The following SYT1 variants were observed in gnomAD, a reference collection of about 807,000 sequenced individuals.
SYT1 encodes synaptotagmin 1, also known as synaptotagmin-1.
Under a neutral mutation model 44.8 loss-of-function variants are expected in SYT1, and 8 were observed. The ratio of observed to expected loss-of-function variants is 0.18; its 90% CI spans 0.10 to 0.32. The LOEUF (loss-of-function observed/expected upper bound fraction) is 0.32, where lower values mean the gene tolerates loss of function less well. SYT1 is among the 10% of genes least tolerant of loss of function. The probability of loss-of-function intolerance (pLI) is 1.00; values close to 1 mark genes in which losing one functional copy is unlikely to be tolerated. For missense variants in SYT1, 286 were observed against 509.3 expected, an observed-to-expected ratio of 0.56 and a Z score of 4.22; for synonymous variants, 154 against 188.8, an observed-to-expected ratio of 0.82 and a Z score of 1.51.
intron 2 of SYT1, among the ~76,000 whole-genome samples, chr12:79,010,027 G>A (rs1871317770): frequency 6.6e-6 from 1 of 152,124 alleles, no homozygotes; most frequent in African/African-American, 2.4e-5. Context: ...ACTGCTATGT[G>A]AGTCTGAGGT....
intron 4 of SYT1, among the ~76,000 whole-genome samples, chr12:79,260,343 C>T (rs1238943995): frequency 6.6e-6 from 1 of 152,074 alleles, no homozygotes; most frequent in Admixed American, 6.6e-5. Context: ...CCTCAGAGAA[C>T]CACAAATATC....
At chr12:79,360,072 G>A (rs914303462) in intron 9 of SYT1, among the ~76,000 whole-genome samples, 15 of 152,184 alleles carry the variant, frequency 9.9e-5, no homozygotes, top group African/African-American at 2.2e-4. Context: ...GGTCCTCCCC[G>A]TCCATACACA....
intron 3 of SYT1, among the ~76,000 whole-genome samples, chr12:79,132,691 A>C (rs1295234803): frequency 6.6e-6 from 1 of 150,648 alleles, no homozygotes; most frequent in African/African-American, 2.4e-5. Flanking sequence ...AAAAAAAAAA[A>C]AAAAAAAAAA....
At chr12:79,233,777 A>T (rs986870247) in intron 4 of SYT1, among the ~76,000 whole-genome samples, 2 of 152,226 alleles carry the variant, frequency 1.3e-5, no homozygotes, top group African/African-American at 4.8e-5. Flanking sequence ...TACTGACGTG[A>T]AAGGCAAGGT....
intron 3 of SYT1, among the ~76,000 whole-genome samples, chr12:79,211,677 G>A (rs1287930330): frequency 4.8e-5 from 7 of 146,434 alleles, no homozygotes; most frequent in Admixed American, 2.9e-4. Flanking sequence ...ACCTAGGAGT[G>A]AGAATATGCG....
chr12:79,210,163 A>G (rs1874354432), intron 3 of SYT1, among the ~76,000 whole-genome samples: 1 of 152,210 alleles, frequency 6.6e-6, no homozygotes, highest in African/African-American at 2.4e-5. Context: ...ATAATTTCTA[A>G]GAGGACAGAG....
chr12:79,378,834 A>G (rs538814934), intron 9 of SYT1, among the ~76,000 whole-genome samples: 4 of 152,206 alleles, frequency 2.6e-5, no homozygotes. Flanking sequence ...ATTAAATGTC[A>G]TAAATAAAAA....
intron 8 of SYT1, among the ~76,000 whole-genome samples, chr12:79,349,033 A>AAGAAAGAAAGAAAGAAAGAAAGAAAG (rs1367804411): frequency 5.8e-5 from 7 of 120,208 alleles, no homozygotes; most frequent in African/African-American, 2.3e-4. Flanking sequence ...GAAAGAAAGA[A>AAGAAAGAAAGAAAGAAAGAAAGAAAG]AAAGAAAGAA....
intron 8 of SYT1, among the ~76,000 whole-genome samples, chr12:79,343,571 A>G (rs138442068): frequency 2.2e-4 from 34 of 152,320 alleles, no homozygotes; most frequent in African/African-American, 7.2e-4. Context: ...GCCTGACTAT[A>G]GAGTCCATGT....
At chr12:79,398,849 G>A (rs531581740) in intron 9 of SYT1, among the ~76,000 whole-genome samples, 11 of 152,086 alleles carry the variant, frequency 7.2e-5, no homozygotes, top group East Asian at 3.9e-4. Context: ...ATCTAATATC[G>A]GGGCCAAACA....
chr12:79,152,645 C>G (rs948227537), intron 3 of SYT1, among the ~76,000 whole-genome samples: 3 of 151,834 alleles, frequency 2.0e-5, no homozygotes, highest in Non-Finnish European at 2.9e-5. Context: ...GGAGGTATCT[C>G]TATAAAATGA....
intron 1 of SYT1, among the ~76,000 whole-genome samples, chr12:78,959,838 T>A (rs890667553): frequency 2.0e-5 from 3 of 152,154 alleles, no homozygotes; most frequent in Non-Finnish European, 2.9e-5. Context: ...GAGCTGTAAG[T>A]GCATTTCAAT....
At chr12:79,139,406 G>A (rs1410556432) in intron 3 of SYT1, among the ~76,000 whole-genome samples, 2 of 152,144 alleles carry the variant, frequency 1.3e-5, no homozygotes, top group Non-Finnish European at 2.9e-5. Context: ...AATGATTTTT[G>A]ATGATGACAT....
intron 3 of SYT1, among the ~76,000 whole-genome samples, chr12:79,068,796 T>G (rs141981321): frequency 2.2e-4 from 34 of 152,246 alleles, no homozygotes; most frequent in South Asian, 4.1e-4. Flanking sequence ...GGAGAATTGT[T>G]TGAACTCAGG....
At chr12:79,149,974 C>T (rs941385914) in intron 3 of SYT1, among the ~76,000 whole-genome samples, 7 of 152,028 alleles carry the variant, frequency 4.6e-5, no homozygotes, top group East Asian at 3.8e-4. Flanking sequence ...AGGTCTGAAA[C>T]GGTGTTTTGT....
intron 1 of SYT1, among the ~76,000 whole-genome samples, chr12:78,882,184 T>C (rs1260780330): frequency 1.3e-5 from 2 of 151,744 alleles, no homozygotes; most frequent in Non-Finnish European, 1.5e-5. Flanking sequence ...AATGGGGAGA[T>C]GATAAGATGC....
Position 79,217,490 on chromosome 12 carries a change from C to G in SYT1, c.-17-13C>G, listed in dbSNP as rs1181927096. The G allele has an allele frequency of 6.5e-7, 1 of 1,548,098 alleles. No homozygotes were observed. Among genetic ancestry groups the G allele is most frequent in the Non-Finnish European group, 8.7e-7 (1 of 1,152,186 alleles). On this transcript the variant is annotated splice_polypyrimidine_tract_variant and intron_variant, in intron 3 of 10. Transcript: ENST00000261205. The stretch of plus-strand genomic sequence containing the variant: ...TTTTGAATTGTTCTGTCTTTGCTTC[C>G]CTCCCCTCACAGCTTCACCTGAACC...
At chr12:79,179,433 T>G (rs1288128055) in intron 3 of SYT1, among the ~76,000 whole-genome samples, 13 of 84,286 alleles carry the variant, frequency 1.5e-4, no homozygotes, top group Admixed American at 1.5e-3. Flanking sequence ...TCTATATAGA[T>G]ATATCCATAT....
intron 1 of SYT1, among the ~76,000 whole-genome samples, chr12:78,957,293 G>T (rs1290089136): frequency 6.6e-6 from 1 of 152,100 alleles, no homozygotes. Flanking sequence ...CATGGTGAGA[G>T]CCTGTCTCTA....
Sources: allele counts gnomAD v4.1 joint callset (sites outside exome capture counted in the v4.1 genomes callset), GRCh38; gene constraint gnomAD v4.1.1; transcripts MANE v1.5; gene names NCBI Gene and HGNC (gene_info 2026-07-23, HGNC 2026-07-21).